FANCG: variants seen among roughly 807,000 people sequenced by gnomAD.
FANCG encodes the protein Fanconi anemia group G protein.
In FANCG, 67 loss-of-function variants were observed where a neutral mutation model predicts 73.3. The ratio of observed to expected loss-of-function variants is 0.91; its 90% CI spans 0.75 to 1.12. The LOEUF (loss-of-function observed/expected upper bound fraction) is 1.12. Among genes scored for constraint, FANCG ranks in the 50% most tolerant of loss-of-function variants. The pLI is 0.00. For missense variants in FANCG, 643 were observed against 735.6 expected, an observed-to-expected ratio of 0.87 and a Z score of 1.46; for synonymous variants, 297 against 311.6, an observed-to-expected ratio of 0.95 and a Z score of 0.49.
rs371822998 is a variant in FANCG at position 35,078,354 on chromosome 9, T to C, written c.308-11A>G. 19 of 1,611,594 alleles carry C rather than the reference T, an allele frequency of 1.2e-5. No individual in the cohort carries two copies. Among genetic ancestry groups the C allele is most frequent in the East Asian group, 2.2e-5 (1 of 44,880 alleles). On this transcript the variant is annotated splice_polypyrimidine_tract_variant and intron_variant, in intron 3 of 13. Transcript: ENST00000378643. ...CCTGTGTCTCCAGCACTGTAGAGTA[T>C]ACACACACACATAGACACACACACA...
At chr9:35,075,938 A>G in intron 9 of FANCG, 24 bp downstream of exon 9, 1 of 1,613,490 alleles carries the variant, frequency 6.2e-7, no homozygotes, top group South Asian at 1.1e-5. Flanking sequence ...ACCCCATTGC[A>G]GAGAAGCTTG....
rs587118 is a variant in FANCG at position 35,074,920 on chromosome 9, T to C, written c.1636+7A>G. The C allele has an allele frequency of 0.44, 714,070 of 1,613,706 alleles. 171,513 individuals carry two copies. The highest frequency in any genetic ancestry group is 0.49 in the Non-Finnish European group (583,682 of 1,179,720). ...ATGCATAGCCGACGTCATGCAAGTATACATACCTGGGCACATCTGCACACT... is the reference window on the plus strand; with the variant it reads ...ATGCATAGCCGACGTCATGCAAGTACACATACCTGGGCACATCTGCACACT... On this transcript the variant is annotated splice_region_variant and intron_variant, in intron 12 of 13. Coordinates refer to ENST00000378643, the MANE Select transcript of FANCG (RefSeq NM_004629.2).
Position 35,076,979 on chromosome 9 carries a change from G to T in FANCG, c.769C>A (p.Arg257Ser). The change falls in exon 6 of 14, where the codon CGT becomes AGT. Residue 257 changes from arginine (R) to serine (S), a missense_variant. Arg to Ser is a moderately radical substitution (Grantham distance 110). Transcript: ENST00000378643. ...QVYTALGSCH[R>S]KMGNPQRALL... is the part of the protein sequence containing the mutation. ...CCTAGGACTGTCTTTACCATCTTAC[G>T]GTGACAGGACCCCAGTGCTGTGTAC... 6.2e-7 allele frequency: 1 copy of T among 1,614,174 alleles called. No homozygotes were observed. The highest frequency in any genetic ancestry group is 8.5e-7 in the Non-Finnish European group (1 of 1,180,032).
Position 35,079,650 on chromosome 9 carries a change from C to T in FANCG, c.-126G>A. ...TGCACCCCGCCGAGCTCCCCTGCTT[C>T]TCTCGGGGTCCCAATCCACCCGCCC... is the stretch of plus-strand genomic sequence containing the variant. On this transcript the variant is annotated 5_prime_UTR_variant, in exon 1 of 14. Coordinates refer to ENST00000378643, the MANE Select transcript of FANCG (RefSeq NM_004629.2). The T allele has an allele frequency of 2.2e-6, 2 of 915,086 alleles. No individual in the cohort carries two copies. Among genetic ancestry groups the T allele is most frequent in the East Asian group, 2.5e-5 (1 of 39,936 alleles). 56.7% of individuals were successfully genotyped at this position (915,086 alleles called of 1,614,324 possible).
In FANCG at chr9:35,079,169, G is replaced by GC. The variant is rs863224506; in HGVS notation, c.156dup (p.Leu53AlafsTer4). On this transcript the variant is annotated frameshift_variant, in exon 2 of 14. Transcript: ENST00000378643. LOFTEE classifies it high-confidence loss of function. ...CGCCTACCTTGCAGACTATGGAGGAGCCCTCTGAGCCCTTCCAGTGCATCC... is the reference window on the plus strand; with the variant it reads ...CGCCTACCTTGCAGACTATGGAGGAGCCCCTCTGAGCCCTTCCAGTGCATCC... 16 of 1,607,708 alleles carry GC rather than the reference G, an allele frequency of 1.0e-5. No individual in the cohort carries two copies. The highest frequency in any genetic ancestry group is 1.3e-5 in the Non-Finnish European group (15 of 1,177,230).
intron 4 of FANCG, 46 bp from the exon 5 acceptor site, chr9:35,077,445 C>T (rs367712455): frequency 2.7e-5 from 44 of 1,612,662 alleles, no homozygotes; most frequent in African/African-American, 2.3e-4. Context: ...ACAACCTCCT[C>T]GTCTTCTCCT....
chr9:35,078,491 A>T (rs1829127043), intron 3 of FANCG, 114 bp downstream of exon 3: 2 of 1,530,178 alleles, frequency 1.3e-6, no homozygotes, highest in Non-Finnish European at 1.8e-6. Context: ...AGCACAGAGA[A>T]GGGCACCTCT....
In FANCG at chr9:35,079,517, C is replaced by A. The variant is rs770674344; in HGVS notation, c.8G>T (p.Arg3Leu). 6 of 1,614,006 alleles carry A rather than the reference C, an allele frequency of 3.7e-6. No individual in the cohort carries two copies. In the East Asian group the frequency reaches 1.3e-4, roughly 36 times the overall value. ...GCTGGAGCCCACAGAGGTGGTCTGG[C>A]GGGACATGGTGGCCGAGGCTGGGCC... Reference protein sequence around the residue: MSRQTTSVGSSCL... With the variant: MSLQTTSVGSSCL... The change falls in exon 1 of 14, where the codon CGC (arginine) becomes CTC (leucine). Residue 3 changes from arginine (R) to leucine (L), a missense_variant. Coordinates refer to ENST00000378643, the MANE Select transcript of FANCG (RefSeq NM_004629.2).
At chr9:35,075,939 G>A (rs1829075174) in intron 9 of FANCG, 23 bp downstream of exon 9, 1 of 1,613,618 alleles carries the variant, frequency 6.2e-7, no homozygotes, top group African/African-American at 1.3e-5. Context: ...CCCCATTGCA[G>A]AGAAGCTTGA....
chr9:35,079,641 C>A lies in FANCG; in HGVS notation c.-117G>T. On this transcript the variant is annotated 5_prime_UTR_variant, in exon 1 of 14. Transcript: ENST00000378643. Reference sequence around the variant, plus strand: ...GGGCACTTCTGCACCCCGCCGAGCTCCCCTGCTTCTCTCGGGGTCCCAATC... The same window carrying A: ...GGGCACTTCTGCACCCCGCCGAGCTACCCTGCTTCTCTCGGGGTCCCAATC... 1 of 997,384 alleles carries A rather than the reference C, an allele frequency of 1.0e-6. No individual in the cohort carries two copies. The highest frequency in any genetic ancestry group is 1.6e-6 in the Non-Finnish European group (1 of 637,490). The allele number at this position is 997,384 out of a possible 1,614,324, so 61.8% of individuals were successfully genotyped here.
In FANCG at chr9:35,079,168, A is replaced by C. The variant is rs756388446; in HGVS notation, c.158T>G (p.Leu53Arg). 4 of 1,607,640 alleles carry C rather than the reference A, an allele frequency of 2.5e-6. No homozygotes were observed. Among genetic ancestry groups the C allele is most frequent in the Non-Finnish European group, 8.5e-7 (1 of 1,177,166 alleles). ...AQDALEGLRG[L>R]LHSLQGLPAA... ...CCGCCTACCTTGCAGACTATGGAGG[A>C]GCCCTCTGAGCCCTTCCAGTGCATC... is the stretch of plus-strand genomic sequence containing the variant. Residue 53 changes from leucine (L) to arginine (R), a missense_variant, in exon 2 of 14, where the codon CTC becomes CGC. Transcript: ENST00000378643.
In FANCG at chr9:35,076,871, C is replaced by T. The variant is rs767518932; in HGVS notation, c.778-1G>A. The T allele has an allele frequency of 6.2e-7, 1 of 1,614,176 alleles. No homozygotes were observed. Among genetic ancestry groups the T allele is most frequent in the Non-Finnish European group, 8.5e-7 (1 of 1,180,036 alleles). ...ACAACAGTGCTCTCTGTGGATTTCC[C>T]TAAAGGGATAGGAGGACACGGGCCT... On this transcript the variant is annotated splice_acceptor_variant, in intron 6 of 13. Transcript: ENST00000378643. LOFTEE classifies it high-confidence loss of function.
chr9:35,077,864 T>C, intron 4 of FANCG: 1 of 500,290 alleles, frequency 2.0e-6, no homozygotes, highest in Non-Finnish European at 3.6e-6. Context: ...CCTCCACCTC[T>C]TGGGTTCAAG....
intron 8 of FANCG, 142 bp from the exon 9 acceptor site, chr9:35,076,170 A>G: frequency 1.1e-6 from 1 of 945,142 alleles, no homozygotes; most frequent in East Asian, 2.5e-5. Context: ...TAGGGCTCCA[A>G]TTTTGGCTCA....
chr9:35,075,676 C>T lies in FANCG; in HGVS notation c.1222G>A (p.Gly408Ser), dbSNP rs371171892. The change falls in exon 10 of 14, where the codon GGC (glycine) becomes AGC (serine). Residue 408 changes from glycine to serine, a missense_variant. Gly to Ser is a moderately conservative substitution (Grantham distance 56, BLOSUM62 0). Coordinates refer to ENST00000378643, the MANE Select transcript of FANCG (RefSeq NM_004629.2). ...AGAGTCAAGGCATCTTGGGCTCTGC[C>T]TGCCTGGATCAGTGCTACCGCTGCC... ...LEAAVALIQA[G>S]RAQDALTLCE... 8 of 1,610,634 alleles carry T rather than the reference C, an allele frequency of 5.0e-6. No individual in the cohort carries two copies. The South Asian group carries it at 6.6e-5, about 13-fold the overall frequency.
rs759675304 is a variant in FANCG, at chr9:35,074,427, A to G, written c.1704T>C (p.Thr568=). The G allele has an allele frequency of 7.4e-6, 12 of 1,614,076 alleles. No individual in the cohort carries two copies. The highest frequency in any genetic ancestry group is 6.8e-6 in the Non-Finnish European group (8 of 1,180,036). ...GGGCCTCCAGCCTCCACCAGAGTGC[A>G]GTGGCCTCATCCCTCCGATCTAGCC... ...LKRLDRRDEA[T]ALWWRLEAQT... The change falls in exon 13 of 14, where the codon ACT becomes ACC. Residue 568 remains threonine, a synonymous_variant. Coordinates refer to ENST00000378643, the MANE Select transcript of FANCG (RefSeq NM_004629.2).
chr9:35,079,583 G>C lies in FANCG; in HGVS notation c.-59C>G. The C allele has an allele frequency of 6.4e-7, 1 of 1,565,984 alleles. No homozygotes were observed. The highest frequency in any genetic ancestry group is 1.1e-5 in the South Asian group (1 of 89,986). On this transcript the variant is annotated 5_prime_UTR_variant, in exon 1 of 14. Transcript: ENST00000378643. Reference sequence around the variant, plus strand: ...GACTTAGGAAGGGTGAAGCTGGCCTGCCCAAGCTCCCAACCCCAGCGGGGA... The same window carrying C: ...GACTTAGGAAGGGTGAAGCTGGCCTCCCCAAGCTCCCAACCCCAGCGGGGA...
chr9:35,077,201 G>C, intron 5 of FANCG, 63 bp downstream of exon 5: 8 of 1,613,852 alleles, frequency 5.0e-6, no homozygotes, highest in Non-Finnish European at 6.8e-6. Flanking sequence ...TGGGACAAGA[G>C]AGAGGGCATG....
Position 35,075,489 on chromosome 9 carries a change from T to C in FANCG, c.1409A>G (p.Lys470Arg). The change falls in exon 10 of 14, where the codon AAA becomes AGA. Residue 470 changes from lysine to arginine, a missense_variant. Physicochemically the swap from Lys to Arg is conservative, Grantham distance 26 (BLOSUM62 2). Transcript: ENST00000378643. Reference sequence around the variant, plus strand: ...CCTGCTAAATTCACTAATTGCCACTTTTTGGGCACCCAGTTGAACCCAGGC... The same window carrying C: ...CCTGCTAAATTCACTAATTGCCACTCTTTGGGCACCCAGTTGAACCCAGGC... ...GQAWVQLGAQ[K>R]VAISEFSRCL... 3 of 1,613,926 alleles carry C rather than the reference T, an allele frequency of 1.9e-6. No individual in the cohort carries two copies. Among genetic ancestry groups the C allele is most frequent in the Non-Finnish European group, 2.5e-6 (3 of 1,179,964 alleles).
Sources: gnomAD v4.1 joint callset for allele counts on GRCh38, gnomAD v4.1.1 for gene constraint, MANE v1.5 for transcripts, NCBI Gene and HGNC (gene_info 2026-07-23, HGNC 2026-07-21) for gene names.